The following AKAP1 variants were observed in gnomAD, a reference collection of about 807,000 sequenced individuals.
AKAP1 encodes A-kinase anchor protein 1, mitochondrial.
A neutral mutation model predicts 79.8 loss-of-function variants in AKAP1; 32 were observed. The ratio of observed to expected loss-of-function variants is 0.40; its 90% CI spans 0.30 to 0.54. The LOEUF (loss-of-function observed/expected upper bound fraction) is 0.54. Ranked by LOEUF, AKAP1 falls within the 20% of genes least tolerant of loss-of-function variation. The pLI is 0.47. For missense variants in AKAP1, 961 were observed against 1,138.9 expected (o/e 0.84, Z 2.25); for synonymous variants, 416 against 466.7 (o/e 0.89, Z 1.40).
intron 3 of AKAP1, among the ~76,000 whole-genome samples, chr17:57,111,474 A>G (rs1044424122): frequency 7.9e-5 from 12 of 152,188 alleles, no homozygotes; most frequent in Non-Finnish European, 1.2e-4. Flanking sequence ...TCTGGGCCAC[A>G]TTGTTGGGAT....
chr17:57,115,265 A>G (rs1915510576), intron 6 of AKAP1, among the ~76,000 whole-genome samples: 1 of 152,232 alleles, frequency 6.6e-6, no homozygotes, highest in Non-Finnish European at 1.5e-5. Flanking sequence ...CACTCAGTGC[A>G]GTAGAAAACC....
Position 57,105,537 on chromosome 17 carries a change from T to G in AKAP1, c.73T>G (p.Phe25Val), listed in dbSNP as rs1597976112. 2 of 1,613,836 alleles carry G rather than the reference T, an allele frequency of 1.2e-6. No individual in the cohort carries two copies. The highest frequency in any genetic ancestry group is 8.5e-7 in the Non-Finnish European group (1 of 1,179,946). ...GCTGGCGCTCCTCGGCTGGTGGTGG[T>G]TTTTCTCTCGTAAAAAAGGCCATGT... ...GMLALLGWWW[F>V]FSRKKGHVSS... Residue 25 changes from phenylalanine to valine, a missense_variant, in exon 2 of 11, where the codon TTT becomes GTT. Phe to Val is a conservative substitution (Grantham distance 50). Coordinates refer to ENST00000337714, the MANE Select transcript of AKAP1 (RefSeq NM_003488.4).
intron 1 of AKAP1, among the ~76,000 whole-genome samples, chr17:57,100,453 AC>A (rs902897337): frequency 1.8e-5 from 2 of 113,952 alleles, no homozygotes; most frequent in African/African-American, 6.0e-5. Flanking sequence ...ACACGCACAC[AC>A]ACACACACAA....
chr17:57,111,026 C>T (rs1247193722), intron 3 of AKAP1, among the ~76,000 whole-genome samples: 1 of 152,040 alleles, frequency 6.6e-6, no homozygotes, highest in Admixed American at 6.5e-5. Context: ...GTTGCGAGGT[C>T]TCTTGGTGGT....
intron 5 of AKAP1, among the ~76,000 whole-genome samples, chr17:57,113,938 C>T (rs981016128): frequency 2.0e-5 from 3 of 152,130 alleles, no homozygotes; most frequent in African/African-American, 4.8e-5. Context: ...GGGAGGGCAG[C>T]GTAGATGCTG....
intron 1 of AKAP1, among the ~76,000 whole-genome samples, chr17:57,101,143 A>T (rs182096730): frequency 2.8e-4 from 43 of 152,338 alleles, no homozygotes; most frequent in African/African-American, 1.0e-3. Context: ...CAAAGCAAAT[A>T]CAAGGCAAAT....
At chr17:57,112,437 GGT>G in intron 4 of AKAP1, 52 bp from the exon 5 acceptor site, 1 of 1,586,598 alleles carries the variant, frequency 6.3e-7, no homozygotes, top group Non-Finnish European at 8.6e-7. Context: ...TGTGAGTGTG[GGT>G]GTGAGTTTCC....
chr17:57,089,065 C>G (rs551248698), intron 1 of AKAP1, among the ~76,000 whole-genome samples: 1 of 152,218 alleles, frequency 6.6e-6, no homozygotes, highest in South Asian at 2.1e-4. Context: ...CTGCAGCTCT[C>G]AGAGCTGAAA....
intron 8 of AKAP1, among the ~76,000 whole-genome samples, chr17:57,117,721 T>G (rs1213767076): frequency 6.6e-6 from 1 of 152,222 alleles, no homozygotes; most frequent in Non-Finnish European, 1.5e-5. Context: ...CTAAGCGATC[T>G]GTCCAGACCC....
chr17:57,086,084 T>C lies in AKAP1; in HGVS notation c.-25+686T>C, dbSNP rs1171533394. Reference sequence around the variant, plus strand: ...GAATTGGGGTCTGGAGGTCGGAGGCTCAGGGGCGTCTCGGGGGGAATTTGC... The same window carrying C: ...GAATTGGGGTCTGGAGGTCGGAGGCCCAGGGGCGTCTCGGGGGGAATTTGC... On this transcript the variant is annotated intron_variant, in intron 1 of 10. Transcript: ENST00000337714. This position sits in a 1 kb window ranked among gnomAD's most constrained non-coding sequence, Gnocchi z 5.1. The C allele has an allele frequency of 4.0e-6, 1 of 251,756 alleles. No individual in the cohort carries two copies. Among genetic ancestry groups the C allele is most frequent in the Non-Finnish European group, 8.0e-6 (1 of 125,454 alleles). The allele number at this position is 251,756 out of a possible 1,614,324, so 15.6% of individuals were successfully genotyped here.
intron 1 of AKAP1, among the ~76,000 whole-genome samples, chr17:57,102,859 C>T (rs538650718): frequency 5.9e-5 from 9 of 152,018 alleles, no homozygotes; most frequent in East Asian, 3.9e-4. Flanking sequence ...GGCCGGCTGG[C>T]GGATCACCTG....
In AKAP1 at chr17:57,095,916, C is replaced by G. The variant is rs1914082787; in HGVS notation, c.-24-9525C>G. 3 of 152,152 alleles carry G rather than the reference C, an allele frequency of 2.0e-5. No homozygotes were observed. In the South Asian group the frequency reaches 6.2e-4, roughly 32 times the overall value. The allele number at this position is 152,152 out of a possible 1,614,324, so 9.4% of individuals were successfully genotyped here. A position where few individuals can be genotyped will look rare whatever the true frequency, so the allele number is the denominator to read the frequency against. On this transcript the variant is annotated intron_variant, in intron 1 of 10. Transcript: ENST00000337714. ...ATCTTTAGAAACCTGGCGGAATTCA[C>G]TTGTAAAGCAAGATGGTTGTCAAGG... is the stretch of plus-strand genomic sequence containing the variant.
chr17:57,105,233 A>G (rs889752845), intron 1 of AKAP1, among the ~76,000 whole-genome samples: 5 of 151,996 alleles, frequency 3.3e-5, no homozygotes, highest in African/African-American at 1.2e-4. Flanking sequence ...CATGGAGGGG[A>G]AGATGCCTCT....
intron 9 of AKAP1, among the ~76,000 whole-genome samples, chr17:57,118,744 T>C (rs1197854653): frequency 6.6e-6 from 1 of 152,136 alleles, no homozygotes; most frequent in Non-Finnish European, 1.5e-5. Context: ...ACGTCTTACA[T>C]GATGGGCAGG....
chr17:57,118,082 G>T (rs1303148975), intron 8 of AKAP1, among the ~76,000 whole-genome samples: 2 of 152,146 alleles, frequency 1.3e-5, no homozygotes, highest in African/African-American at 4.8e-5. Context: ...AGTTGGTGGG[G>T]GTGGGGGTGG....
intron 5 of AKAP1, among the ~76,000 whole-genome samples, chr17:57,113,856 G>A: frequency 6.6e-6 from 1 of 152,072 alleles, no homozygotes; most frequent in Non-Finnish European, 1.5e-5. Context: ...AGCAGTAGGA[G>A]GGAGAGCAAA....
chr17:57,109,892 C>T (rs116944436), intron 2 of AKAP1, 133 bp from the exon 3 acceptor site: 15,353 of 1,204,478 alleles, frequency 0.013, 137 homozygotes, highest in Non-Finnish European at 0.015. Flanking sequence ...TGTAAGTTGA[C>T]AGTCACCTGC....
intron 1 of AKAP1, among the ~76,000 whole-genome samples, chr17:57,090,481 C>T (rs1480602120): frequency 7.2e-6 from 1 of 139,540 alleles, no homozygotes; most frequent in African/African-American, 2.7e-5. Context: ...CCACCTCCTC[C>T]TCTGCCCCTG....
In AKAP1 at chr17:57,110,020, T is replaced by C. The variant is rs1257211266; in HGVS notation, c.1715-5T>C. 1.9e-6 allele frequency: 3 copies of C among 1,613,758 alleles called. No individual in the cohort carries two copies. In the East Asian group the frequency reaches 6.7e-5, roughly 36 times the overall value. ...TGTGCGTGCCTGCTGCTTCTTCCCC[T>C]GCAGGTTCTGACAGGAACAGCATGG... On this transcript the variant is annotated splice_region_variant and splice_polypyrimidine_tract_variant and intron_variant, in intron 2 of 10. Transcript: ENST00000337714.
Sources: gnomAD v4.1 joint callset for allele counts (sites outside exome capture counted in the v4.1 genomes callset) on GRCh38, gnomAD v4.1.1 for gene constraint, Gnocchi (gnomAD v3.1) non-coding constraint, MANE v1.5 for transcripts, NCBI Gene and HGNC (gene_info 2026-07-23, HGNC 2026-07-21) for gene names.